ASIC2: variants seen among roughly 807,000 people sequenced by gnomAD.
ASIC2 encodes the protein acid-sensing ion channel 2.
In ASIC2, 25 loss-of-function variants were observed where a neutral mutation model predicts 57.3. That is an observed-to-expected ratio of 0.44 (90% CI 0.32 to 0.61). The LOEUF (loss-of-function observed/expected upper bound fraction) is 0.61, where lower values mean the gene tolerates loss of function less well. Among genes scored for constraint, ASIC2 ranks in the 20% least tolerant of loss-of-function variants. ASIC2 has a pLI of 0.06. For synonymous variants in ASIC2, 319 were observed against 307.5 expected (o/e 1.04, Z -0.39); for missense variants, 641 against 738.1 (o/e 0.87, Z 1.52).
At chr17:33,873,690 C>T (rs1185967177) in intron 1 of ASIC2, among the ~76,000 whole-genome samples, 1 of 152,206 alleles carries the variant, frequency 6.6e-6, no homozygotes, top group Admixed American at 6.5e-5. Context: ...CCAATGCAAA[C>T]TTTCAAAACT....
chr17:33,203,278 A>G (rs1906946513), intron 1 of ASIC2, among the ~76,000 whole-genome samples: 1 of 152,202 alleles, frequency 6.6e-6, no homozygotes, highest in Non-Finnish European at 1.5e-5. Flanking sequence ...GCGCATAATA[A>G]TGCATCTCTG....
chr17:33,635,548 C>T (rs1023170455), intron 1 of ASIC2, among the ~76,000 whole-genome samples: 1 of 152,220 alleles, frequency 6.6e-6, no homozygotes, highest in African/African-American at 2.4e-5. Context: ...AGCATTTAAT[C>T]TTCTGCTCTG....
At position 33,923,662 on chromosome 17, in the gene ASIC2, C is replaced by T. The variant is rs796524297; in HGVS notation, c.555+232316G>A. Among the ~76,000 whole-genome samples, 5 of 152,236 alleles carry T rather than the reference C, an allele frequency of 3.3e-5. 1 individual carries two copies. The highest frequency in any genetic ancestry group is 1.9e-4 in the East Asian group (1 of 5,176). ...GGCTGTGGGGCCGGGGAGTGGGGCT[C>T]AGGGTTCAGGGATCACTGGCTAATA... On this transcript the variant is annotated intron_variant, in intron 1 of 9. Transcript: ENST00000359872.
chr17:33,207,613 T>C (rs752168084), intron 1 of ASIC2, among the ~76,000 whole-genome samples: 1 of 152,170 alleles, frequency 6.6e-6, no homozygotes, highest in Non-Finnish European at 1.5e-5. Flanking sequence ...AGCAGATGCT[T>C]TCAGTGTCCT....
chr17:33,318,704 G>T (rs926380655), intron 1 of ASIC2, among the ~76,000 whole-genome samples: 10 of 152,170 alleles, frequency 6.6e-5, no homozygotes, highest in African/African-American at 2.4e-4. Context: ...GATCCTGGAG[G>T]TGCCCTGTGG....
At chr17:33,207,041 C>T (rs987040934) in intron 1 of ASIC2, among the ~76,000 whole-genome samples, 4 of 152,124 alleles carry the variant, frequency 2.6e-5, no homozygotes, top group African/African-American at 7.2e-5. Context: ...CCCGCCCTGA[C>T]CATTTCACAA....
intron 1 of ASIC2, among the ~76,000 whole-genome samples, chr17:34,077,426 T>C (rs765481864): frequency 1.3e-5 from 2 of 152,140 alleles, no homozygotes; most frequent in Non-Finnish European, 2.9e-5. Flanking sequence ...CCCTTTGGTG[T>C]CCGCGGAGGC....
intron 1 of ASIC2, among the ~76,000 whole-genome samples, chr17:33,373,091 A>G (rs963404262): frequency 1.3e-5 from 2 of 152,224 alleles, no homozygotes; most frequent in Non-Finnish European, 2.9e-5. Flanking sequence ...AGAGCTAAGG[A>G]ATACTGTGAG....
At chr17:33,850,664 C>T (rs1455071376) in intron 1 of ASIC2, among the ~76,000 whole-genome samples, 2 of 152,178 alleles carry the variant, frequency 1.3e-5, no homozygotes, top group Non-Finnish European at 2.9e-5. Flanking sequence ...ATAATAGAGT[C>T]ATATTTTCTG....
chr17:33,804,863 A>G (rs1912226381), intron 1 of ASIC2, among the ~76,000 whole-genome samples: 2 of 151,508 alleles, frequency 1.3e-5, no homozygotes, highest in African/African-American at 4.9e-5. Context: ...CTCAGAAATA[A>G]TTTTGCATTT....
chr17:33,135,520 CCCTGTGAGGG>C (rs760033472), intron 1 of ASIC2, among the ~76,000 whole-genome samples: 54 of 152,216 alleles, frequency 3.5e-4, no homozygotes, highest in Non-Finnish European at 6.3e-4. Flanking sequence ...TATCCCACTG[CCCTGTGAGGG>C]CATGTAGCGA....
chr17:33,992,053 C>A (rs1906015510), intron 1 of ASIC2, among the ~76,000 whole-genome samples: 2 of 152,172 alleles, frequency 1.3e-5, no homozygotes, highest in Admixed American at 1.3e-4. Context: ...CAGCTTCAAG[C>A]AGCCAGCCCA....
At chr17:33,266,906 T>C (rs1042986441) in intron 1 of ASIC2, among the ~76,000 whole-genome samples, 5 of 152,138 alleles carry the variant, frequency 3.3e-5, no homozygotes, top group Non-Finnish European at 7.3e-5. Context: ...GGTGGGGTGC[T>C]TGACAAGGGA....
intron 1 of ASIC2, among the ~76,000 whole-genome samples, chr17:33,554,584 C>A (rs1915847541): frequency 6.6e-6 from 1 of 152,168 alleles, no homozygotes; most frequent in African/African-American, 2.4e-5. Context: ...ATGTACCAAG[C>A]CCTGCTAGTG....
intron 1 of ASIC2, among the ~76,000 whole-genome samples, chr17:33,882,015 T>G (rs1428577314): frequency 6.6e-6 from 1 of 152,208 alleles, no homozygotes; most frequent in Non-Finnish European, 1.5e-5. Flanking sequence ...GGGGAAAGGA[T>G]TCCGTATTTA....
chr17:33,526,830 G>C (rs1475874020), intron 1 of ASIC2, among the ~76,000 whole-genome samples: 1 of 152,186 alleles, frequency 6.6e-6, no homozygotes, highest in Non-Finnish European at 1.5e-5. Context: ...GTGTCTCCTG[G>C]AAAGGCCAGA....
chr17:33,357,176 T>G (rs1908417919), intron 1 of ASIC2, among the ~76,000 whole-genome samples: 1 of 151,930 alleles, frequency 6.6e-6, no homozygotes, highest in South Asian at 2.1e-4. Flanking sequence ...AGGCACCACC[T>G]AATCCCCAGC....
At chr17:34,037,338 C>T (rs1907928580) in intron 1 of ASIC2, 2 of 320,966 alleles carry the variant, frequency 6.2e-6, no homozygotes, top group Admixed American at 4.6e-5. Flanking sequence ...CCAGTTTTTC[C>T]TTTTAATTTT....
chr17:33,025,127 C>A (rs1016218949), intron 5 of ASIC2, among the ~76,000 whole-genome samples: 4 of 152,186 alleles, frequency 2.6e-5, no homozygotes, highest in African/African-American at 9.7e-5. Flanking sequence ...GGACCTGAGG[C>A]CAGCACTGCC....
Sources: allele counts gnomAD v4.1 joint callset (sites outside exome capture counted in the v4.1 genomes callset), GRCh38; gene constraint gnomAD v4.1.1; transcripts MANE v1.5; gene names NCBI Gene and HGNC (gene_info 2026-07-23, HGNC 2026-07-21).